TARDBP: variants seen among roughly 807,000 people sequenced by gnomAD.
TARDBP encodes the protein TAR DNA binding protein, also known as TAR DNA-binding protein 43.
A neutral mutation model predicts 38.3 loss-of-function variants in TARDBP; 4 were observed. The ratio of observed to expected loss-of-function variants is 0.10; its 90% CI spans 0.05 to 0.24. TARDBP has a LOEUF of 0.24. Among genes scored for constraint, TARDBP ranks in the 10% least tolerant of loss-of-function variants. The probability of loss-of-function intolerance (pLI) is 1.00; values close to 1 mark genes in which losing one functional copy is unlikely to be tolerated. For missense variants in TARDBP, 202 were observed against 521.9 expected (o/e 0.39, Z 5.97); for synonymous variants, 184 against 183.8 (o/e 1.00, Z -0.01).
intron 2 of TARDBP, among the ~76,000 whole-genome samples, chr1:11,014,238 TTG>T (rs752148461): frequency 3.3e-5 from 5 of 152,232 alleles, no homozygotes; most frequent in Non-Finnish European, 5.9e-5. Flanking sequence ...TAAGAATGTT[TTG>T]TACATAAATC....
downstream of TARDBP, chr1:11,027,608 A>G (rs1343944795): frequency 1.2e-6 from 2 of 1,614,080 alleles, no homozygotes; most frequent in Middle Eastern, 1.6e-4. Flanking sequence ...TTTGCCCTCC[A>G]TATATACGCC....
downstream of TARDBP, chr1:11,027,401 T>G: frequency 6.2e-7 from 1 of 1,614,234 alleles, no homozygotes. Flanking sequence ...TAAAAACAGC[T>G]TCAGACCAGG....
intron 3 of TARDBP, 24 bp from the exon 4 acceptor site, chr1:11,018,709 G>A (rs1643578455): frequency 6.2e-7 from 1 of 1,614,120 alleles, no homozygotes; most frequent in African/African-American, 1.3e-5. Flanking sequence ...CACTTTTAGA[G>A]TAAACTTGTA....
At chr1:11,028,715 T>TG (rs1643786582), downstream of TARDBP, among the ~76,000 whole-genome samples, 1 of 145,832 alleles carries the variant, frequency 6.9e-6, no homozygotes, top group East Asian at 2.0e-4. Flanking sequence ...TCTTTTTTTT[T>TG]TTTTTTTTTT....
chr1:11,022,960 C>T lies in TARDBP; in HGVS notation c.*306C>T, dbSNP rs1034083151. ...AGGTTTCTCCTGTAATATTTTATCC[C>T]TGGACTTGTCAAGTGAATTCTTTGC... On this transcript the variant is annotated 3_prime_UTR_variant, in exon 6 of 6. Transcript: ENST00000240185. The surrounding 1 kb of genome is among the most constrained non-coding windows in gnomAD (Gnocchi z 4.5). 5.1e-5 allele frequency: 71 copies of T among 1,383,856 alleles called. No homozygotes were observed. The highest frequency in any genetic ancestry group is 3.8e-5 in the Non-Finnish European group (41 of 1,068,500). 85.7% of individuals were successfully genotyped at this position (1,383,856 alleles called of 1,614,324 possible).
downstream of TARDBP, among the ~76,000 whole-genome samples, chr1:11,028,697 G>GTTTTTTTTTT (rs1208974169): frequency 4.4e-4 from 16 of 36,176 alleles, 1 homozygote; most frequent in African/African-American, 2.1e-3. Context: ...ATCTTTCTGG[G>GTTTTTTTTTT]TTTTTTTTCT....
chr1:11,027,356 G>C, downstream of TARDBP: 1 of 1,614,108 alleles, frequency 6.2e-7, no homozygotes, highest in Non-Finnish European at 8.5e-7. Flanking sequence ...CTATGTCATT[G>C]TCAAAGCCAG....
downstream of TARDBP, chr1:11,030,044 AAAT>A (rs986972533): frequency 1.1e-5 from 7 of 628,560 alleles, no homozygotes; most frequent in Middle Eastern, 2.6e-4. Flanking sequence ...TACTATTTGG[AAAT>A]AATAACAGCC....
Position 11,022,399 on chromosome 1 carries a change from A to G in TARDBP, c.990A>G (p.Leu330=), listed in dbSNP as rs1469816236. The stretch of plus-strand genomic sequence containing the variant: ...TGATGGCTGCCGCCCAGGCAGCACT[A>G]CAGAGCAGTTGGGGTATGATGGGCA... The part of the protein sequence containing the change: ...PAMMAAAQAA[L]QSSWGMMGML... The change falls in exon 6 of 6, where the codon CTA becomes CTG. Residue 330 remains leucine (L), a synonymous_variant. Transcript: ENST00000240185. The surrounding 1 kb of genome is among the most constrained non-coding windows in gnomAD (Gnocchi z 4.5). The G allele has an allele frequency of 6.2e-6, 10 of 1,613,906 alleles. No individual in the cohort carries two copies. The highest frequency in any genetic ancestry group is 8.5e-6 in the Non-Finnish European group (10 of 1,179,884).
chr1:11,027,550 T>C, downstream of TARDBP: 1 of 1,614,202 alleles, frequency 6.2e-7, no homozygotes, highest in Non-Finnish European at 8.5e-7. Context: ...GCTGCTGTGG[T>C]TCCACCTAAT....
Position 11,022,885 on chromosome 1 carries a change from A to G in TARDBP, c.*231A>G. Reference sequence around the variant, plus strand: ...TTGAAATATTGAGTGGTTGAAAGTGAACTGCTGTTTGCCTGATTGGTAAAC... The same window carrying G: ...TTGAAATATTGAGTGGTTGAAAGTGGACTGCTGTTTGCCTGATTGGTAAAC... On this transcript the variant is annotated 3_prime_UTR_variant, in exon 6 of 6. Transcript: ENST00000240185. The surrounding 1 kb of genome is among the most constrained non-coding windows in gnomAD (Gnocchi z 4.5). The G allele has an allele frequency of 1.5e-6, 2 of 1,366,564 alleles. No individual in the cohort carries two copies. Among genetic ancestry groups the G allele is most frequent in the South Asian group, 2.0e-5 (1 of 50,004 alleles). The allele number at this position is 1,366,564 out of a possible 1,614,324, so 84.7% of individuals were successfully genotyped here.
At chr1:11,027,759 A>C, downstream of TARDBP, 1 of 1,167,970 alleles carries the variant, frequency 8.6e-7, no homozygotes, top group Non-Finnish European at 1.2e-6. Flanking sequence ...AAATTATATT[A>C]CATGAATTGG....
intron 3 of TARDBP, 47 bp downstream of exon 3, chr1:11,017,054 T>A: frequency 6.3e-7 from 1 of 1,588,722 alleles, no homozygotes; most frequent in Non-Finnish European, 8.6e-7. Context: ...AGTGAATGAG[T>A]ATCTAGCATT....
At position 11,024,729 on chromosome 1, in the gene TARDBP, TGAATAAAATC is replaced by T. The variant is rs1341691506; in HGVS notation, c.*2077_*2086del. On this transcript the variant is annotated 3_prime_UTR_variant, in exon 6 of 6. Transcript: ENST00000240185. ...GGAATGTGGTAACATTGAATACAGT[TGAATAAAATC>T]GCTTACAAAACTCACACTCTCACAA... is the stretch of plus-strand genomic sequence containing the variant. The T allele has an allele frequency of 6.6e-6, 1 of 152,660 alleles. No homozygotes were observed. Among genetic ancestry groups the T allele is most frequent in the Non-Finnish European group, 1.5e-5 (1 of 68,074 alleles). The allele number at this position is 152,660 out of a possible 1,614,324, so 9.5% of individuals were successfully genotyped here.
intron 3 of TARDBP, among the ~76,000 whole-genome samples, chr1:11,017,314 C>T (rs1643547222): frequency 6.6e-6 from 1 of 151,506 alleles, no homozygotes; most frequent in Admixed American, 6.6e-5. Flanking sequence ...AGTGATTTCT[C>T]CTGTCTCGGC....
At chr1:11,018,451 A>G in intron 3 of TARDBP, 1 of 434,618 alleles carries the variant, frequency 2.3e-6, no homozygotes, top group African/African-American at 2.0e-5. Context: ...AGCATCCCAA[A>G]GCACTGGGAA....
At chr1:11,015,965 C>T (rs1257411760) in intron 2 of TARDBP, among the ~76,000 whole-genome samples, 3 of 145,774 alleles carry the variant, frequency 2.1e-5, no homozygotes, top group Non-Finnish European at 4.5e-5. Flanking sequence ...TAGACGAAGT[C>T]TCGCCCTTGT....
At chr1:11,020,286 A>G (rs1643610523) in intron 4 of TARDBP, 143 bp from the exon 5 acceptor site, 8 of 926,442 alleles carry the variant, frequency 8.6e-6, no homozygotes, top group African/African-American at 3.3e-5. Context: ...AGAAATGCTG[A>G]TGGAAAAAAT....
downstream of TARDBP, chr1:11,026,878 A>T: frequency 6.8e-7 from 1 of 1,475,468 alleles, no homozygotes. Context: ...GACTGCAGAC[A>T]CGCAAGTTAA....
Sources: allele counts gnomAD v4.1 joint callset (sites outside exome capture counted in the v4.1 genomes callset), GRCh38; gene constraint gnomAD v4.1.1; non-coding constraint Gnocchi (gnomAD v3.1); transcripts MANE v1.5; gene names NCBI Gene and HGNC (gene_info 2026-07-23, HGNC 2026-07-21).